The following DNAI3 variants were observed in gnomAD, a reference collection of about 807,000 sequenced individuals.
DNAI3 encodes the protein dynein axonemal intermediate chain 3.
DNAI3 carries 83 observed loss-of-function variants against 115.5 expected under a neutral mutation model. That is an observed-to-expected ratio of 0.72 (90% CI 0.60 to 0.86). The LOEUF (loss-of-function observed/expected upper bound fraction) is 0.86. Ranked by LOEUF, DNAI3 falls within the 40% of genes least tolerant of loss-of-function variation. The probability of loss-of-function intolerance (pLI) is 0.00; values close to 1 mark genes in which losing one functional copy is unlikely to be tolerated. For missense variants in DNAI3, 1,004 were observed against 1,075.8 expected (o/e 0.93, Z 0.93); for synonymous variants, 320 against 347.0 (o/e 0.92, Z 0.86).
chr1:85,133,034 C>G lies in DNAI3; in HGVS notation c.*36C>G, dbSNP rs1247738738. On this transcript the variant is annotated 3_prime_UTR_variant, in exon 23 of 23. Transcript: ENST00000294664. ...TGAAGGGGTGTTTTGGGGACTTCTT[C>G]CCTCTATTTATTTTTATGTCAGGTG... 1.3e-6 allele frequency: 2 copies of G among 1,586,820 alleles called. No individual in the cohort carries two copies. The highest frequency in any genetic ancestry group is 1.7e-6 in the Non-Finnish European group (2 of 1,171,590).
chr1:85,087,434 C>CAAA lies in DNAI3; in HGVS notation c.740+1427_740+1429dup, dbSNP rs1162431713. 5.7e-3 allele frequency among the ~76,000 whole-genome samples: 267 copies of CAAA among 46,480 alleles called. 1 individual carries two copies. Among genetic ancestry groups the CAAA allele is most frequent in the Middle Eastern group, 0.023 (1 of 44 alleles). 30.5% of individuals were successfully genotyped at this position (46,480 alleles called of 152,430 possible). A position where few individuals can be genotyped will look rare whatever the true frequency, so the allele number is the denominator to read the frequency against. ...CTGGTGATAGAGCTAGACTCCATCT[C>CAAA]AAAAAAAAAAAAAAAAAAAAAAAAA... On this transcript the variant is annotated intron_variant, in intron 7 of 22. Transcript: ENST00000294664.
chr1:85,085,219 T>C (rs894043997), intron 6 of DNAI3, among the ~76,000 whole-genome samples: 5 of 152,162 alleles, frequency 3.3e-5, no homozygotes, highest in Non-Finnish European at 7.4e-5. Context: ...ACACATCAAT[T>C]TCAAACTTCT....
intron 11 of DNAI3, 57 bp downstream of exon 11, chr1:85,096,077 GT>G: frequency 6.6e-7 from 1 of 1,523,662 alleles, no homozygotes; most frequent in South Asian, 1.1e-5. Flanking sequence ...TTGGTAATAA[GT>G]TTTGACTTGG....
chr1:85,124,274 G>A (rs746151036), intron 19 of DNAI3, 23 bp downstream of exon 19: 1 of 1,614,074 alleles, frequency 6.2e-7, no homozygotes, highest in South Asian at 1.1e-5. Flanking sequence ...CAAAATGGAA[G>A]CATGAGTGTG....
chr1:85,119,579 A>G (rs1450625317), intron 17 of DNAI3, among the ~76,000 whole-genome samples: 4 of 152,198 alleles, frequency 2.6e-5, no homozygotes, highest in East Asian at 3.8e-4. Flanking sequence ...ACTCAGTACA[A>G]CATGAATAAA....
chr1:85,092,870 T>C (rs1655021118), intron 8 of DNAI3, among the ~76,000 whole-genome samples: 1 of 151,656 alleles, frequency 6.6e-6, no homozygotes, highest in African/African-American at 2.4e-5. Context: ...GTTCAGAATC[T>C]CTTATTTGTT....
Position 85,072,023 on chromosome 1 carries a change from T to C in DNAI3, c.64+18T>C, listed in dbSNP as rs17099213. On this transcript the variant is annotated intron_variant, in intron 2 of 22. Coordinates refer to ENST00000294664, the MANE Select transcript of DNAI3 (RefSeq NM_145172.5). ...ATTAGCTGGTAGGAATATTTCTTCATTGAATGGGATTTTTTGTGGAGTATT... is the reference window on the plus strand; with the variant it reads ...ATTAGCTGGTAGGAATATTTCTTCACTGAATGGGATTTTTTGTGGAGTATT... 0.044 allele frequency: 70,508 copies of C among 1,600,342 alleles called. 2,168 individuals carry two copies. Among genetic ancestry groups the C allele is most frequent in the East Asian group, 0.18 (7,919 of 44,720 alleles).
Position 85,110,124 on chromosome 1 carries a change from G to A in DNAI3, c.1775G>A (p.Cys592Tyr). ...KISLNEDHLLCKTQDKMLAQS... is the reference protein window; with the variant it reads ...KISLNEDHLLYKTQDKMLAQS... ...AGCCTGAATGAAGACCATCTTCTTT[G>A]CAAAACACAAGGTAACTGCCTTTGC... The change falls in exon 16 of 23, where the codon TGC becomes TAC. Residue 592 changes from cysteine (C) to tyrosine (Y), a missense_variant. By Grantham distance (194) the Cys-to-Tyr change is radical (BLOSUM62 -2). Around this residue, in one of 3 missense-constraint regions of DNAI3, gnomAD observed 429 missense variants for 454.3 expected, o/e 0.94. Transcript: ENST00000294664. 6.2e-7 allele frequency: 1 copy of A among 1,609,450 alleles called. No homozygotes were observed. Among genetic ancestry groups the A allele is most frequent in the Non-Finnish European group, 8.5e-7 (1 of 1,177,818 alleles).
chr1:85,133,014 G>A lies in DNAI3; in HGVS notation c.*16G>A, dbSNP rs377451577. ...GGTGATGTAAAAAAGCTTCCTGAAG[G>A]GGTGTTTTGGGGACTTCTTCCCTCT... On this transcript the variant is annotated 3_prime_UTR_variant, in exon 23 of 23. Coordinates refer to ENST00000294664, the MANE Select transcript of DNAI3 (RefSeq NM_145172.5). The A allele has an allele frequency of 2.2e-4, 356 of 1,602,932 alleles. No individual in the cohort carries two copies. The highest frequency in any genetic ancestry group is 2.9e-4 in the Non-Finnish European group (345 of 1,176,792).
At chr1:85,071,778 C>A in intron 1 of DNAI3, 150 bp from the exon 2 acceptor site, 4 of 723,296 alleles carry the variant, frequency 5.5e-6, no homozygotes, top group Non-Finnish European at 9.2e-6. Flanking sequence ...TCACAGAACA[C>A]CCGTTCTATG....
At chr1:85,075,338 A>G (rs188238863) in intron 3 of DNAI3, among the ~76,000 whole-genome samples, 83 of 152,366 alleles carry the variant, frequency 5.4e-4, no homozygotes, top group African/African-American at 1.9e-3. Flanking sequence ...AAGAAAATCT[A>G]TGAACCTGAT....
In DNAI3 at chr1:85,119,119, T is replaced by A. The variant is rs571978549; in HGVS notation, c.1917+1260T>A. ...GGGTTTCACAGCAAAGTTTAAAAAATTTTTTTAATTGTGGTAAAATATATG... is the reference window on the plus strand; with the variant it reads ...GGGTTTCACAGCAAAGTTTAAAAAAATTTTTTAATTGTGGTAAAATATATG... On this transcript the variant is annotated intron_variant, in intron 17 of 22. Coordinates refer to ENST00000294664, the MANE Select transcript of DNAI3 (RefSeq NM_145172.5). 2.0e-4 allele frequency among the ~76,000 whole-genome samples: 31 copies of A among 152,296 alleles called. 1 individual carries two copies. The East Asian group carries it at 3.9e-3, about 19-fold the overall frequency.
In DNAI3 at chr1:85,097,599, G is replaced by C. The variant is rs370317049; in HGVS notation, c.1294G>C (p.Asp432His). The C allele has an allele frequency of 5.7e-5, 92 of 1,613,066 alleles. No homozygotes were observed. Among genetic ancestry groups the C allele is most frequent in the Non-Finnish European group, 7.5e-5 (88 of 1,179,626 alleles). The part of the protein sequence containing the change: ...IVMWDITAHA[D>H]RIENIKAGGS... ...CATGTGGGATATCACCGCACATGCA[G>C]ATCGCATAGAAAACATTAAGGCAGG... Residue 432 changes from aspartate to histidine, a missense_variant, in exon 12 of 23, where the codon GAT becomes CAT. By Grantham distance (81) the Asp-to-His change is moderately conservative (BLOSUM62 -1). Coordinates refer to ENST00000294664, the MANE Select transcript of DNAI3 (RefSeq NM_145172.5).
intron 9 of DNAI3, 159 bp from the exon 10 acceptor site, chr1:85,094,272 C>T (rs1427377157): frequency 1.1e-6 from 1 of 904,270 alleles, no homozygotes; most frequent in African/African-American, 1.7e-5. Flanking sequence ...TAGCATGTAA[C>T]TAGTGGCAAC....
chr1:85,095,335 C>T (rs1655092547), intron 10 of DNAI3, among the ~76,000 whole-genome samples: 1 of 152,144 alleles, frequency 6.6e-6, no homozygotes, highest in Admixed American at 6.5e-5. Context: ...CTAGCCTCCC[C>T]TTCTTCCTTT....
chr1:85,100,991 G>GAA (rs1402732044), intron 13 of DNAI3, among the ~76,000 whole-genome samples: 1 of 151,596 alleles, frequency 6.6e-6, no homozygotes, highest in Non-Finnish European at 1.5e-5. Context: ...GGGGAGGAGG[G>GAA]GGGATAGCAT....
At chr1:85,097,757 A>C in intron 12 of DNAI3, 102 bp downstream of exon 12, 1 of 1,022,540 alleles carries the variant, frequency 9.8e-7, no homozygotes. Context: ...TCAAGAGAAA[A>C]AAGGAAAAAA....
intron 18 of DNAI3, among the ~76,000 whole-genome samples, chr1:85,122,332 T>C (rs1026468): frequency 0.72 from 109,041 of 151,870 alleles, 39,768 homozygotes; most frequent in South Asian, 0.89. Flanking sequence ...TTATGTCTGC[T>C]GCTCCCAGGA....
chr1:85,126,674 G>T lies in DNAI3; in HGVS notation c.2276G>T (p.Cys759Phe). ...GAACCAGCCCAGTCTCAAAACATTTGCATAACTATGATCACCTACATCAAA... is the reference window on the plus strand; with the variant it reads ...GAACCAGCCCAGTCTCAAAACATTTTCATAACTATGATCACCTACATCAAA... ...THEPAQSQNICITMITYIKPW... is the reference protein window; with the variant it reads ...THEPAQSQNIFITMITYIKPW... Residue 759 changes from cysteine (C) to phenylalanine (F), a missense_variant, in exon 20 of 23, where the codon TGC (cysteine) becomes TTC (phenylalanine). Physicochemically the swap from Cys to Phe is radical, Grantham distance 205 (BLOSUM62 -2). Coordinates refer to ENST00000294664, the MANE Select transcript of DNAI3 (RefSeq NM_145172.5). The T allele has an allele frequency of 1.2e-6, 2 of 1,614,090 alleles. No homozygotes were observed. The highest frequency in any genetic ancestry group is 2.2e-5 in the South Asian group (2 of 91,084).
Sources: gnomAD v4.1 joint callset for allele counts (sites outside exome capture counted in the v4.1 genomes callset) on GRCh38, gnomAD v4.1.1 for gene constraint, gnomAD v4.1.1 regional missense constraint, MANE v1.5 for transcripts, NCBI Gene and HGNC (gene_info 2026-07-23, HGNC 2026-07-21) for gene names.